Variants in PCDH9 observed in about 807,000 individuals in gnomAD.
The protein encoded by PCDH9 is protocadherin 9.
PCDH9 carries 24 observed loss-of-function variants against 70.6 expected under a neutral mutation model. The ratio of observed to expected loss-of-function variants is 0.34; its 90% CI spans 0.25 to 0.48. The LOEUF (loss-of-function observed/expected upper bound fraction) is 0.48. PCDH9 is among the 20% of genes least tolerant of loss of function. The pLI, the probability that PCDH9 is intolerant of heterozygous loss-of-function variation, is 0.99. For missense variants in PCDH9, 1,281 were observed against 1,503.6 expected (o/e 0.85, Z 2.45); for synonymous variants, 562 against 558.5 (o/e 1.01, Z -0.09).
At chr13:66,878,658 A>G (rs934899857) in intron 3 of PCDH9, among the ~76,000 whole-genome samples, 31 of 152,224 alleles carry the variant, frequency 2.0e-4, no homozygotes, top group African/African-American at 7.2e-4. Flanking sequence ...GCATCTTTGG[A>G]CTTGAAAGTG....
Position 66,306,664 on chromosome 13 carries a change from T to G in PCDH9, c.3341-1636A>C, listed in dbSNP as rs1769320675. ...TAAAAGTCTTCCTTTTAGAATATCC[T>G]TAAAATTACTTCCCATCTGAACCAT... On this transcript the variant is annotated intron_variant, in intron 4 of 4. Coordinates refer to ENST00000377865, the MANE Select transcript of PCDH9 (RefSeq NM_203487.3). Among the ~76,000 whole-genome samples the G allele has an allele frequency of 2.0e-5, 3 of 151,874 alleles. No individual in the cohort carries two copies. In the Admixed American group the frequency reaches 2.0e-4, roughly 10 times the overall value.
chr13:66,438,496 G>C (rs1304578464), intron 4 of PCDH9, among the ~76,000 whole-genome samples: 1 of 152,056 alleles, frequency 6.6e-6, no homozygotes, highest in Non-Finnish European at 1.5e-5. Context: ...ACATTTCTAG[G>C]GAAAATGGCA....
At chr13:66,594,889 C>T (rs2077083401) in intron 4 of PCDH9, among the ~76,000 whole-genome samples, 2 of 150,948 alleles carry the variant, frequency 1.3e-5, no homozygotes, top group South Asian at 2.1e-4. Context: ...ATGATTGCAG[C>T]TTTGATCTTT....
At chr13:66,819,584 T>G (rs1315584497) in intron 3 of PCDH9, among the ~76,000 whole-genome samples, 1 of 152,144 alleles carries the variant, frequency 6.6e-6, no homozygotes, top group Admixed American at 6.6e-5. Context: ...AGAGTATCTG[T>G]TGTAACTTTT....
chr13:66,748,566 C>T (rs1048218248), intron 3 of PCDH9, among the ~76,000 whole-genome samples: 1 of 152,114 alleles, frequency 6.6e-6, no homozygotes, highest in Admixed American at 6.6e-5. Flanking sequence ...CACTGTGTCT[C>T]TACTTGATCA....
At chr13:66,735,963 C>T (rs1216662887) in intron 3 of PCDH9, among the ~76,000 whole-genome samples, 1 of 127,994 alleles carries the variant, frequency 7.8e-6, no homozygotes, top group South Asian at 2.5e-4. Context: ...GATTCTGTCT[C>T]AAAAAAAAAA....
intron 3 of PCDH9, among the ~76,000 whole-genome samples, chr13:66,800,121 T>C (rs1300216426): frequency 6.6e-6 from 1 of 152,154 alleles, no homozygotes; most frequent in East Asian, 1.9e-4. Context: ...CCAAACTATT[T>C]TTCATCGTCA....
chr13:66,641,269 T>G (rs182158740), intron 3 of PCDH9, among the ~76,000 whole-genome samples: 4 of 148,562 alleles, frequency 2.7e-5, no homozygotes, highest in Non-Finnish European at 4.4e-5. Flanking sequence ...GATGTACCCC[T>G]GTAGCACAGC....
intron 4 of PCDH9, among the ~76,000 whole-genome samples, chr13:66,422,912 C>A (rs544153378): frequency 6.6e-6 from 1 of 151,832 alleles, no homozygotes; most frequent in Non-Finnish European, 1.5e-5. Flanking sequence ...AGAGTGCTAG[C>A]CAGACTAATA....
chr13:67,021,110 C>T (rs993448569), intron 2 of PCDH9, among the ~76,000 whole-genome samples: 1 of 152,146 alleles, frequency 6.6e-6, no homozygotes, highest in African/African-American at 2.4e-5. Flanking sequence ...TCTTCCTTTA[C>T]ATTTCTTGCC....
intron 2 of PCDH9, chr13:67,207,403 C>A (rs2089377272): frequency 6.6e-6 from 1 of 152,200 alleles, no homozygotes; most frequent in Non-Finnish European, 1.5e-5. Context: ...CATTCAACTT[C>A]TCCTCAGCTG....
At chr13:66,406,468 C>T (rs1957282933) in intron 4 of PCDH9, among the ~76,000 whole-genome samples, 1 of 152,144 alleles carries the variant, frequency 6.6e-6, no homozygotes, top group East Asian at 1.9e-4. Context: ...TACTGTAACG[C>T]TTCCCATTAA....
chr13:66,781,493 T>C (rs973268991), intron 3 of PCDH9, among the ~76,000 whole-genome samples: 8 of 152,176 alleles, frequency 5.3e-5, no homozygotes, highest in African/African-American at 1.9e-4. Context: ...CATGGGAAAT[T>C]ATAATTAGTA....
intron 2 of PCDH9, among the ~76,000 whole-genome samples, chr13:67,093,457 A>T (rs928824209): frequency 6.6e-6 from 1 of 151,974 alleles, no homozygotes; most frequent in Non-Finnish European, 1.5e-5. Context: ...TCCATCTCAA[A>T]TAATAATAAT....
chr13:66,404,976 T>C (rs967938103), intron 4 of PCDH9, among the ~76,000 whole-genome samples: 1 of 152,202 alleles, frequency 6.6e-6, no homozygotes, highest in Non-Finnish European at 1.5e-5. Flanking sequence ...ATGTTATGTC[T>C]ATACAGTAAA....
intron 3 of PCDH9, among the ~76,000 whole-genome samples, chr13:66,639,760 GCAAA>G (rs2077685196): frequency 6.6e-6 from 1 of 152,150 alleles, no homozygotes; most frequent in Non-Finnish European, 1.5e-5. Flanking sequence ...GGGGTTCAAA[GCAAA>G]CAGAGAGGAT....
intron 3 of PCDH9, 23 bp from the exon 4 acceptor site, chr13:66,631,434 T>G (rs750179705): frequency 1.7e-5 from 24 of 1,408,440 alleles, no homozygotes; most frequent in Admixed American, 3.4e-5. Context: ...CCACAGGACA[T>G]GCTGATTAAC....
chr13:66,452,322 C>T (rs777750741), intron 4 of PCDH9, among the ~76,000 whole-genome samples: 15 of 152,046 alleles, frequency 9.9e-5, no homozygotes, highest in Non-Finnish European at 1.5e-4. Context: ...CTCAATAGAT[C>T]CAAAGCATAG....
intron 2 of PCDH9, among the ~76,000 whole-genome samples, chr13:67,069,940 CT>C (rs144354697): frequency 0.026 from 3,910 of 151,586 alleles, 176 homozygotes; most frequent in African/African-American, 0.089. Context: ...AGACTAAGAA[CT>C]TTTTTTTACA....
Sources: allele counts gnomAD v4.1 joint callset (sites outside exome capture counted in the v4.1 genomes callset), GRCh38; gene constraint gnomAD v4.1.1; transcripts MANE v1.5; gene names NCBI Gene and HGNC (gene_info 2026-07-23, HGNC 2026-07-21).